The following SETD3 variants were observed in gnomAD, a reference collection of about 807,000 sequenced individuals.
SETD3 encodes the protein SET domain containing 3, actin N3(tau)-histidine methyltransferase, also known as actin-histidine N-methyltransferase.
In SETD3, 19 loss-of-function variants were observed where a neutral mutation model predicts 63.0. That is an observed-to-expected ratio of 0.30 (90% CI 0.21 to 0.44). The LOEUF (loss-of-function observed/expected upper bound fraction) is 0.44. Among genes scored for constraint, SETD3 ranks in the 20% least tolerant of loss-of-function variants. The pLI is 1.00. For missense variants in SETD3, 587 were observed against 728.5 expected, an observed-to-expected ratio of 0.81 and a Z score of 2.24; for synonymous variants, 286 against 264.1, an observed-to-expected ratio of 1.08 and a Z score of -0.80.
rs766480270 is a variant in SETD3, at chr14:99,399,007, C to T, written c.1457G>A (p.Arg486Gln). Reference sequence around the variant, plus strand: ...CTCCATCTGTTGGCGATAGTATTCCCGGTTGACAGCTGCACTCTTTACTGC... The same window carrying T: ...CTCCATCTGTTGGCGATAGTATTCCTGGTTGACAGCTGCACTCTTTACTGC... ...EKAVKSAAVN[R>Q]EYYRQQMEEK... Residue 486 changes from arginine (R) to glutamine (Q), a missense_variant, in exon 13 of 13, where the codon CGG becomes CAG. By Grantham distance (43) the Arg-to-Gln change is conservative (BLOSUM62 1). Transcript: ENST00000331768. 7 of 1,614,210 alleles carry T rather than the reference C, an allele frequency of 4.3e-6. No homozygotes were observed. Among genetic ancestry groups the T allele is most frequent in the Non-Finnish European group, 5.1e-6 (6 of 1,180,044 alleles).
At chr14:99,471,717 T>C (rs906691845) in intron 1 of SETD3, among the ~76,000 whole-genome samples, 11 of 152,238 alleles carry the variant, frequency 7.2e-5, no homozygotes, top group Non-Finnish European at 1.3e-4. Flanking sequence ...GGACATTACA[T>C]TTAATAAGAG....
At chr14:99,402,922 G>A (rs1255825370) in intron 11 of SETD3, among the ~76,000 whole-genome samples, 1 of 152,170 alleles carries the variant, frequency 6.6e-6, no homozygotes, top group East Asian at 1.9e-4. Context: ...AATGCCTTGA[G>A]TACATGAACT....
chr14:99,401,620 A>G (rs1891393055), intron 11 of SETD3, among the ~76,000 whole-genome samples: 1 of 152,234 alleles, frequency 6.6e-6, no homozygotes, highest in African/African-American at 2.4e-5. Context: ...CTAATGTTCA[A>G]AAAAGTTTAT....
chr14:99,413,077 T>C lies in SETD3; in HGVS notation c.735-12A>G, dbSNP rs761551307. 3.3e-6 allele frequency: 5 copies of C among 1,505,306 alleles called. No homozygotes were observed. The highest frequency in any genetic ancestry group is 1.1e-5 in the South Asian group (1 of 87,344). The allele number at this position is 1,505,306 out of a possible 1,614,324, so 93.2% of individuals were successfully genotyped here. A position where few individuals can be genotyped will look rare whatever the true frequency, so the allele number is the denominator to read the frequency against. On this transcript the variant is annotated splice_polypyrimidine_tract_variant and intron_variant, in intron 7 of 12. Coordinates refer to ENST00000331768, the MANE Select transcript of SETD3 (RefSeq NM_032233.3). ...AAGAGACTGCCCACCTATAACAAGA[T>C]AAATGGTGACTTAAGGTTGGAACAT...
chr14:99,465,640 T>G, intron 2 of SETD3, 63 bp downstream of exon 2: 1 of 1,316,108 alleles, frequency 7.6e-7, no homozygotes, highest in South Asian at 1.2e-5. Context: ...CCCATTCTGG[T>G]GACAAAGAAG....
intron 6 of SETD3, among the ~76,000 whole-genome samples, chr14:99,457,156 A>C (rs995975107): frequency 3.9e-5 from 6 of 152,240 alleles, no homozygotes; most frequent in African/African-American, 1.4e-4. Context: ...TATATGAAGA[A>C]GCAAAGTTTT....
intron 8 of SETD3, chr14:99,411,742 A>C (rs1892004615): frequency 6.6e-6 from 1 of 152,224 alleles, no homozygotes; most frequent in Non-Finnish European, 1.5e-5. Context: ...CAAAACAAAA[A>C]ATGTAAAATT....
At chr14:99,401,973 G>GAGCTGA (rs1555392071) in intron 11 of SETD3, among the ~76,000 whole-genome samples, 14 of 152,274 alleles carry the variant, frequency 9.2e-5, no homozygotes, top group African/African-American at 3.4e-4. Context: ...CTGCCTGCAG[G>GAGCTGA]CCAGGAGCTC....
At chr14:99,403,455 A>ACTCTCTCTCTCTCTCTCTCTCT (rs55804663) in intron 11 of SETD3, among the ~76,000 whole-genome samples, 43 of 135,530 alleles carry the variant, frequency 3.2e-4, no homozygotes, top group East Asian at 1.8e-3. Flanking sequence ...ACACACACAC[A>ACTCTCTCTCTCTCTCTCTCTCT]CTCTCTCTCT....
chr14:99,449,220 T>C (rs544218900), intron 6 of SETD3, among the ~76,000 whole-genome samples: 71 of 152,264 alleles, frequency 4.7e-4, no homozygotes, highest in African/African-American at 1.6e-3. Flanking sequence ...AACACTACAG[T>C]AGTAACTATT....
chr14:99,486,300 A>G, the SETD3 span, among the ~76,000 whole-genome samples: 1 of 152,304 alleles, frequency 6.6e-6, no homozygotes, highest in South Asian at 2.1e-4. Flanking sequence ...TTAGTCTGCA[A>G]GTGGGTAAAT....
At chr14:99,455,285 C>A (rs1191619162) in intron 6 of SETD3, among the ~76,000 whole-genome samples, 1 of 152,202 alleles carries the variant, frequency 6.6e-6, no homozygotes, top group African/African-American at 2.4e-5. Context: ...GGAGAACTGA[C>A]CCCACCCCAT....
At chr14:99,443,952 G>C (rs1893984872) in intron 6 of SETD3, among the ~76,000 whole-genome samples, 1 of 152,198 alleles carries the variant, frequency 6.6e-6, no homozygotes, top group African/African-American at 2.4e-5. Flanking sequence ...TCCTGCATCA[G>C]TGCAGGACTC....
intron 3 of SETD3, among the ~76,000 whole-genome samples, chr14:99,462,082 G>A (rs1386159391): frequency 1.8e-4 from 27 of 152,186 alleles, no homozygotes; most frequent in Admixed American, 1.8e-3. Flanking sequence ...GGCTTTGGCT[G>A]TATCTGTGAT....
chr14:99,476,313 C>T (rs1412728695), intron 1 of SETD3, among the ~76,000 whole-genome samples: 2 of 152,196 alleles, frequency 1.3e-5, no homozygotes, highest in Non-Finnish European at 2.9e-5. Context: ...ACTGTTATCG[C>T]TAATATTCAA....
In SETD3 at chr14:99,442,122, G is replaced by A. The variant is rs115355351; in HGVS notation, c.675+16157C>T. On this transcript the variant is annotated intron_variant, in intron 6 of 12. Coordinates refer to ENST00000331768, the MANE Select transcript of SETD3 (RefSeq NM_032233.3). Reference sequence around the variant, plus strand: ...CACACTGACTGAGCACACCGGCTCCGCATCAGATCTCAATCAGCCCCAACC... The same window carrying A: ...CACACTGACTGAGCACACCGGCTCCACATCAGATCTCAATCAGCCCCAACC... Among the ~76,000 whole-genome samples the A allele has an allele frequency of 7.3e-3, 1,106 of 152,284 alleles. 8 individuals carry two copies. Among genetic ancestry groups the A allele is most frequent in the African/African-American group, 0.024 (1,005 of 41,556 alleles).
intron 6 of SETD3, among the ~76,000 whole-genome samples, chr14:99,426,930 C>T (rs1242052609): frequency 6.6e-6 from 1 of 152,180 alleles, no homozygotes; most frequent in African/African-American, 2.4e-5. Flanking sequence ...TACTCCCCAC[C>T]TTCTGCCTCC....
chr14:99,399,049 T>C lies in SETD3; in HGVS notation c.1415A>G (p.Lys472Arg), dbSNP rs780625940. The change falls in exon 13 of 13, where the codon AAA (lysine) becomes AGA (arginine). Residue 472 changes from lysine (K) to arginine (R), a missense_variant. Transcript: ENST00000331768. ...KMAIKLRLGEKEILEKAVKSA... is the reference protein window; with the variant it reads ...KMAIKLRLGEREILEKAVKSA... ...CTTTACTGCTTTTTCCAAAATCTCT[T>C]TCTCACCTAAGCGCAATTTGATGGC... The C allele has an allele frequency of 1.2e-6, 2 of 1,613,914 alleles. No individual in the cohort carries two copies. Among genetic ancestry groups the C allele is most frequent in the Non-Finnish European group, 1.7e-6 (2 of 1,179,946 alleles).
intron 6 of SETD3, among the ~76,000 whole-genome samples, chr14:99,456,931 C>T (rs1054314074): frequency 2.0e-5 from 3 of 152,210 alleles, no homozygotes; most frequent in Non-Finnish European, 4.4e-5. Context: ...TCAGAGCAGG[C>T]TACCAGCGTT....
Sources: allele counts gnomAD v4.1 joint callset (sites outside exome capture counted in the v4.1 genomes callset), GRCh38; gene constraint gnomAD v4.1.1; transcripts MANE v1.5; gene names NCBI Gene and HGNC (gene_info 2026-07-23, HGNC 2026-07-21).